Variants in CDH19 observed in about 807,000 individuals in gnomAD.
The protein encoded by CDH19 is cadherin 19, also known as cadherin-19.
A neutral mutation model predicts 64.2 loss-of-function variants in CDH19; 67 were observed. The ratio of observed to expected loss-of-function variants is 1.04; its 90% CI spans 0.86 to 1.28. The LOEUF is 1.28. CDH19 is among the 50% of genes most tolerant of loss of function. The pLI, the probability that CDH19 is intolerant of heterozygous loss-of-function variation, is 0.00. For synonymous variants in CDH19, 346 were observed against 319.3 expected (o/e 1.08, Z -0.89); for missense variants, 1,030 against 929.0 (o/e 1.11, Z -1.41).
At chr18:66,556,301 TCATCACAA>T (rs2144529213) in intron 3 of CDH19, among the ~76,000 whole-genome samples, 1 of 151,868 alleles carries the variant, frequency 6.6e-6, no homozygotes, top group African/African-American at 2.4e-5. Flanking sequence ...ATCTACTCAC[TCATCACAA>T]ATCTCAAATA....
At chr18:66,527,346 A>C (rs906437055) in intron 9 of CDH19, among the ~76,000 whole-genome samples, 5 of 152,212 alleles carry the variant, frequency 3.3e-5, no homozygotes, top group Non-Finnish European at 5.9e-5. Context: ...TGAATTGAAT[A>C]CTTTTCATAT....
chr18:66,539,619 T>C (rs1986809961), intron 7 of CDH19, among the ~76,000 whole-genome samples: 1 of 152,114 alleles, frequency 6.6e-6, no homozygotes, highest in East Asian at 1.9e-4. Flanking sequence ...CTGGGTGCAC[T>C]CCAGTTGATA....
intron 9 of CDH19, among the ~76,000 whole-genome samples, chr18:66,526,772 G>A (rs902854272): frequency 1.3e-4 from 19 of 151,886 alleles, no homozygotes; most frequent in African/African-American, 4.3e-4. Context: ...GAAAGATTGT[G>A]TATTGAAAGT....
intron 1 of CDH19, among the ~76,000 whole-genome samples, chr18:66,579,508 G>A (rs2144598945): frequency 6.6e-6 from 1 of 151,988 alleles, no homozygotes; most frequent in South Asian, 2.1e-4. Context: ...CCGACTTTGA[G>A]TCTGCATTTT....
In CDH19 at chr18:66,502,613, G is replaced by A. The variant is rs1428069945; in HGVS notation, c.*2199C>T. Reference sequence around the variant, plus strand: ...TTAAATAAAGGAAACAACACTTCATGGAATAATTCATGAAAATTTCTCTGA... The same window carrying A: ...TTAAATAAAGGAAACAACACTTCATAGAATAATTCATGAAAATTTCTCTGA... On this transcript the variant is annotated 3_prime_UTR_variant, in exon 12 of 12. Coordinates refer to ENST00000262150, the MANE Select transcript of CDH19 (RefSeq NM_021153.4). 6.6e-6 allele frequency: 1 copy of A among 151,756 alleles called. No individual in the cohort carries two copies. Among genetic ancestry groups the A allele is most frequent in the Non-Finnish European group, 1.5e-5 (1 of 67,872 alleles). 9.4% of individuals were successfully genotyped at this position (151,756 alleles called of 1,614,324 possible). A position where few individuals can be genotyped will look rare whatever the true frequency, so the allele number is the denominator to read the frequency against.
chr18:66,548,797 GA>G (rs1987233666), intron 5 of CDH19, among the ~76,000 whole-genome samples: 1 of 152,144 alleles, frequency 6.6e-6, no homozygotes. Context: ...AAAGAGAAAG[GA>G]AGAATACAAA....
chr18:66,565,469 C>T (rs952504669), intron 3 of CDH19, among the ~76,000 whole-genome samples: 1 of 151,710 alleles, frequency 6.6e-6, no homozygotes, highest in African/African-American at 2.4e-5. Context: ...AAAGAAACAG[C>T]AAAATGTTTG....
intron 1 of CDH19, among the ~76,000 whole-genome samples, chr18:66,599,741 GT>G (rs527927525): frequency 1.8e-4 from 28 of 151,958 alleles, no homozygotes; most frequent in Middle Eastern, 3.4e-3. Flanking sequence ...TTAATAAATT[GT>G]TTTAACATTA....
rs185189763 is a variant in CDH19 at position 66,541,046 on chromosome 18, T to A, written c.1214+2925A>T. Among the ~76,000 whole-genome samples the A allele has an allele frequency of 1.7e-3, 255 of 152,254 alleles. 1 individual carries two copies. The highest frequency in any genetic ancestry group is 2.8e-3 in the Non-Finnish European group (192 of 68,004). On this transcript the variant is annotated intron_variant, in intron 7 of 11. Transcript: ENST00000262150. ...TCCATTATTTCTGTGCCCCATTTTT[T>A]AAAAATTGACATGTAGTTTGTTATT...
At chr18:66,528,551 T>G (rs894100924) in intron 9 of CDH19, among the ~76,000 whole-genome samples, 34 of 152,148 alleles carry the variant, frequency 2.2e-4, no homozygotes, top group Admixed American at 2.2e-3. Context: ...CTATTACTGT[T>G]TTCAAAAACA....
chr18:66,539,130 T>C (rs1327951023), intron 7 of CDH19, among the ~76,000 whole-genome samples: 1 of 152,156 alleles, frequency 6.6e-6, no homozygotes, highest in African/African-American at 2.4e-5. Flanking sequence ...ATAATAATCT[T>C]GTATCTTTCT....
chr18:66,598,521 A>G (rs1988960984), intron 1 of CDH19, among the ~76,000 whole-genome samples: 1 of 152,160 alleles, frequency 6.6e-6, no homozygotes, highest in Admixed American at 6.5e-5. Context: ...AAATGAGATC[A>G]TGTCCTTTGC....
At chr18:66,521,626 C>A (rs559626091) in intron 9 of CDH19, among the ~76,000 whole-genome samples, 1 of 151,812 alleles carries the variant, frequency 6.6e-6, no homozygotes, top group Non-Finnish European at 1.5e-5. Flanking sequence ...GCTTTGAACT[C>A]CTGGGCTCAA....
intron 9 of CDH19, among the ~76,000 whole-genome samples, chr18:66,514,296 G>C (rs543066391): frequency 6.6e-6 from 1 of 151,366 alleles, no homozygotes. Context: ...TAAAAGACAT[G>C]AAATTCCAAA....
At chr18:66,516,464 G>T (rs1448058167) in intron 9 of CDH19, among the ~76,000 whole-genome samples, 1 of 151,938 alleles carries the variant, frequency 6.6e-6, no homozygotes, top group Non-Finnish European at 1.5e-5. Flanking sequence ...AATTGAGAAT[G>T]GTACAGTATG....
At chr18:66,521,964 C>T (rs953726957) in intron 9 of CDH19, among the ~76,000 whole-genome samples, 7 of 142,942 alleles carry the variant, frequency 4.9e-5, no homozygotes, top group Non-Finnish European at 1.1e-4. Flanking sequence ...GTTGTTGTTT[C>T]GAGACGGAGT....
intron 1 of CDH19, among the ~76,000 whole-genome samples, chr18:66,584,871 A>G (rs947252289): frequency 1.3e-5 from 2 of 152,102 alleles, no homozygotes; most frequent in Non-Finnish European, 2.9e-5. Flanking sequence ...AAAATAAAAC[A>G]CTGTTTTACT....
At position 66,572,564 on chromosome 18, in the gene CDH19, A is replaced by C. The variant is rs560728021; in HGVS notation, c.-112-248T>G. Among the ~76,000 whole-genome samples the C allele has an allele frequency of 9.2e-5, 14 of 151,862 alleles. No individual in the cohort carries two copies. The East Asian group carries it at 2.7e-3, about 29-fold the overall frequency. ...GTCATAAATCTGCCTGAAAGTTGAAAGATTGCTCTGGGAGTCTCCTGGATT... is the reference window on the plus strand; with the variant it reads ...GTCATAAATCTGCCTGAAAGTTGAACGATTGCTCTGGGAGTCTCCTGGATT... On this transcript the variant is annotated intron_variant, in intron 1 of 11. Coordinates refer to ENST00000262150, the MANE Select transcript of CDH19 (RefSeq NM_021153.4).
At chr18:66,566,940 G>A (rs1987932818) in intron 3 of CDH19, among the ~76,000 whole-genome samples, 2 of 151,628 alleles carry the variant, frequency 1.3e-5, no homozygotes, top group African/African-American at 4.8e-5. Flanking sequence ...TGAGCACTCT[G>A]CTATGGATTC....
Sources: allele counts gnomAD v4.1 joint callset (sites outside exome capture counted in the v4.1 genomes callset), GRCh38; gene constraint gnomAD v4.1.1; transcripts MANE v1.5; gene names NCBI Gene and HGNC (gene_info 2026-07-23, HGNC 2026-07-21).